GRIN2B: variants seen among roughly 807,000 people sequenced by gnomAD.
GRIN2B encodes glutamate receptor ionotropic, NMDA 2B.
In GRIN2B, 5 loss-of-function variants were observed where a neutral mutation model predicts 114.5. The observed-to-expected ratio is 0.04, with a 90% CI of 0.02 to 0.09. The LOEUF (loss-of-function observed/expected upper bound fraction) is 0.09, where lower values mean the gene tolerates loss of function less well. GRIN2B is among the 10% of genes least tolerant of loss of function. The pLI is 1.00. For synonymous variants in GRIN2B, 787 were observed against 745.1 expected (o/e 1.06, Z -0.92); for missense variants, 1,108 against 1,943.5 (o/e 0.57, Z 8.08).
intron 3 of GRIN2B, among the ~76,000 whole-genome samples, chr12:13,787,491 C>G (rs776827378): frequency 6.6e-5 from 10 of 152,152 alleles, no homozygotes; most frequent in Non-Finnish European, 1.0e-4. Context: ...AATGTTATAG[C>G]TTATTAGCAC....
At chr12:13,801,087 C>A (rs949100610) in intron 3 of GRIN2B, among the ~76,000 whole-genome samples, 1 of 152,136 alleles carries the variant, frequency 6.6e-6, no homozygotes, top group Non-Finnish European at 1.5e-5. Flanking sequence ...ACTGCAGGAA[C>A]AGTAGGCAAA....
intron 4 of GRIN2B, among the ~76,000 whole-genome samples, chr12:13,717,113 T>A (rs1950462467): frequency 3.4e-5 from 5 of 146,274 alleles, no homozygotes; most frequent in Admixed American, 2.7e-4. Flanking sequence ...ATTCACTCAA[T>A]CATTACAGAG....
At chr12:13,960,571 C>T (rs758684927) in intron 2 of GRIN2B, among the ~76,000 whole-genome samples, 1 of 152,172 alleles carries the variant, frequency 6.6e-6, no homozygotes, top group South Asian at 2.1e-4. Context: ...AGCATCAGGC[C>T]TAAGGCACTA....
intron 2 of GRIN2B, among the ~76,000 whole-genome samples, chr12:13,942,706 T>C (rs1033518781): frequency 6.6e-6 from 1 of 152,190 alleles, no homozygotes; most frequent in African/African-American, 2.4e-5. Context: ...TACTAATGTA[T>C]ATAAATTAAA....
At chr12:13,928,163 T>C (rs1866952941) in intron 2 of GRIN2B, among the ~76,000 whole-genome samples, 1 of 151,170 alleles carries the variant, frequency 6.6e-6, no homozygotes, top group African/African-American at 2.4e-5. Context: ...ATAGAAAAAT[T>C]TGCCAGGCGT....
chr12:13,890,202 G>A (rs1048776255), intron 2 of GRIN2B, among the ~76,000 whole-genome samples: 1 of 152,088 alleles, frequency 6.6e-6, no homozygotes, highest in African/African-American at 2.4e-5. Context: ...TCCTTTCCTG[G>A]ATGTTTTGCC....
chr12:13,871,404 A>G, intron 2 of GRIN2B, among the ~76,000 whole-genome samples: 1 of 151,934 alleles, frequency 6.6e-6, no homozygotes, highest in Non-Finnish European at 1.5e-5. Flanking sequence ...TTGTGATTAA[A>G]TAACTATAAG....
rs368774242 is a variant in GRIN2B, at chr12:13,560,166, G to C, written c.*2617C>G. On this transcript the variant is annotated 3_prime_UTR_variant, in exon 14 of 14. Coordinates refer to ENST00000609686, the MANE Select transcript of GRIN2B (RefSeq NM_000834.5). ...GTAAGAAGACTGGTTTTCTGGGGGGGATGGACACAATTACTTTCCCCTGGC... is the reference window on the plus strand; with the variant it reads ...GTAAGAAGACTGGTTTTCTGGGGGGCATGGACACAATTACTTTCCCCTGGC... The C allele has an allele frequency of 6.6e-6, 1 of 152,134 alleles. No individual in the cohort carries two copies. Among genetic ancestry groups the C allele is most frequent in the Non-Finnish European group, 1.5e-5 (1 of 68,028 alleles). 9.4% of individuals were successfully genotyped at this position (152,134 alleles called of 1,614,324 possible).
chr12:13,879,980 A>G (rs757373613), intron 2 of GRIN2B, among the ~76,000 whole-genome samples: 3 of 152,234 alleles, frequency 2.0e-5, no homozygotes, highest in Non-Finnish European at 4.4e-5. Flanking sequence ...ATGAACCAAC[A>G]TGTCCTTATT....
intron 4 of GRIN2B, among the ~76,000 whole-genome samples, chr12:13,710,488 T>C (rs1362475134): frequency 1.3e-5 from 2 of 152,158 alleles, no homozygotes; most frequent in African/African-American, 4.8e-5. Context: ...CCCCATCGTC[T>C]CAGCCCAAAA....
At position 13,548,523 on chromosome 12, in the gene GRIN2B, G is replaced by A. The variant is rs899433788; in HGVS notation, c.*14260C>T. ...ATAGGTGTAGCAGAAGACAGGGAGTGGTCATCTTGGGGGAATAAGATGCTC... is the reference window on the plus strand; with the variant it reads ...ATAGGTGTAGCAGAAGACAGGGAGTAGTCATCTTGGGGGAATAAGATGCTC... On this transcript the variant is annotated 3_prime_UTR_variant, in exon 14 of 14. Coordinates refer to ENST00000609686, the MANE Select transcript of GRIN2B (RefSeq NM_000834.5). 2.0e-5 allele frequency: 3 copies of A among 150,314 alleles called. No individual in the cohort carries two copies. The highest frequency in any genetic ancestry group is 4.4e-5 in the Non-Finnish European group (3 of 67,674). The allele number at this position is 150,314 out of a possible 1,614,324, so 9.3% of individuals were successfully genotyped here. A position where few individuals can be genotyped will look rare whatever the true frequency, so the allele number is the denominator to read the frequency against.
intron 3 of GRIN2B, among the ~76,000 whole-genome samples, chr12:13,813,786 T>C (rs1864773780): frequency 6.6e-6 from 1 of 152,208 alleles, no homozygotes. Flanking sequence ...ATTGAGTCCA[T>C]ACATGTCAAT....
chr12:13,820,888 A>G (rs1864921898), intron 3 of GRIN2B, among the ~76,000 whole-genome samples: 1 of 152,104 alleles, frequency 6.6e-6, no homozygotes, highest in African/African-American at 2.4e-5. Flanking sequence ...GCTTTCTATA[A>G]TAGGAATTTG....
chr12:13,881,341 G>C (rs777348553), intron 2 of GRIN2B, among the ~76,000 whole-genome samples: 3 of 152,052 alleles, frequency 2.0e-5, no homozygotes, highest in South Asian at 2.1e-4. Flanking sequence ...GGTCTCCTTC[G>C]GCACCTCTTC....
chr12:13,692,997 A>G (rs913620995), intron 4 of GRIN2B, among the ~76,000 whole-genome samples: 1 of 151,592 alleles, frequency 6.6e-6, no homozygotes, highest in African/African-American at 2.4e-5. Flanking sequence ...CAAACTCCCA[A>G]CCTCAGGTGA....
rs982098512 is a variant in GRIN2B at position 13,544,933 on chromosome 12, A to G, written c.*17850T>C. 3.9e-5 allele frequency: 6 copies of G among 152,266 alleles called. No individual in the cohort carries two copies. Among genetic ancestry groups the G allele is most frequent in the Admixed American group, 3.3e-4 (5 of 15,280 alleles). 9.4% of individuals were successfully genotyped at this position (152,266 alleles called of 1,614,324 possible). A position where few individuals can be genotyped will look rare whatever the true frequency, so the allele number is the denominator to read the frequency against. Reference sequence around the variant, plus strand: ...CAAAGCTTCCTCTTCAACTGAAGTCAGATCATATCACTCTATGCTCCGAAC... The same window carrying G: ...CAAAGCTTCCTCTTCAACTGAAGTCGGATCATATCACTCTATGCTCCGAAC... On this transcript the variant is annotated 3_prime_UTR_variant, in exon 14 of 14. Transcript: ENST00000609686.
chr12:13,914,563 C>G (rs1294870296), intron 2 of GRIN2B, among the ~76,000 whole-genome samples: 1 of 152,136 alleles, frequency 6.6e-6, no homozygotes, highest in Non-Finnish European at 1.5e-5. Context: ...AGGAATCCCA[C>G]TAGTGGGTAT....
intron 2 of GRIN2B, among the ~76,000 whole-genome samples, chr12:13,874,487 T>C (rs893254869): frequency 6.6e-6 from 1 of 152,232 alleles, no homozygotes; most frequent in African/African-American, 2.4e-5. Context: ...TCTTTTTTCC[T>C]TAATATGTTG....
rs946192962 is a variant in GRIN2B at position 13,564,865 on chromosome 12, G to C, written c.2599-226C>G. On this transcript the variant is annotated intron_variant, in intron 13 of 13. Transcript: ENST00000609686. This position sits in a 1 kb window ranked among gnomAD's most constrained non-coding sequence, Gnocchi z 4.8. Reference sequence around the variant, plus strand: ...AGGTCAGTGACCTGGCCATCAGAGGGGGGGGCATGGCCCCACCCAGTAACT... The same window carrying C: ...AGGTCAGTGACCTGGCCATCAGAGGCGGGGGCATGGCCCCACCCAGTAACT... Among the ~76,000 whole-genome samples, 1 of 152,196 alleles carries C rather than the reference G, an allele frequency of 6.6e-6. No homozygotes were observed. Among genetic ancestry groups the C allele is most frequent in the Non-Finnish European group, 1.5e-5 (1 of 68,030 alleles).
Sources: allele counts gnomAD v4.1 joint callset (sites outside exome capture counted in the v4.1 genomes callset), GRCh38; gene constraint gnomAD v4.1.1; non-coding constraint Gnocchi (gnomAD v3.1); transcripts MANE v1.5; gene names NCBI Gene and HGNC (gene_info 2026-07-23, HGNC 2026-07-21).